Variants in SNRK observed in about 807,000 individuals in gnomAD.
SNRK encodes SNF-related serine/threonine-protein kinase.
In SNRK, 3 loss-of-function variants were observed where a neutral mutation model predicts 48.2. The observed-to-expected ratio is 0.06, with a 90% CI of 0.03 to 0.16. SNRK has a LOEUF of 0.16. Among genes scored for constraint, SNRK ranks in the 10% least tolerant of loss-of-function variants. SNRK has a pLI of 1.00. For missense variants in SNRK, 627 were observed against 976.0 expected (o/e 0.64, Z 4.76); for synonymous variants, 376 against 366.1 (o/e 1.03, Z -0.31).
chr3:43,303,153 G>A lies in SNRK; in HGVS notation c.-51G>A. On this transcript the variant is annotated 5_prime_UTR_variant, in exon 3 of 7. An upstream start codon of the reference 5' UTR is lost. Transcript: ENST00000296088. The surrounding 1 kb of genome is among the most constrained non-coding windows in gnomAD (Gnocchi z 6.2). Reference sequence around the variant, plus strand: ...TTGTATTCACCAGATATTCTTATATGAGAAGATCTATTTTAAACAGTCTAA... The same window carrying A: ...TTGTATTCACCAGATATTCTTATATAAGAAGATCTATTTTAAACAGTCTAA... The A allele has an allele frequency of 1.5e-6, 2 of 1,314,104 alleles. No individual in the cohort carries two copies. The highest frequency in any genetic ancestry group is 1.4e-5 in the South Asian group (1 of 71,918). 81.4% of individuals were successfully genotyped at this position (1,314,104 alleles called of 1,614,324 possible). A position where few individuals can be genotyped will look rare whatever the true frequency, so the allele number is the denominator to read the frequency against.
At chr3:43,333,888 C>T (rs1415777932) in intron 4 of SNRK, among the ~76,000 whole-genome samples, 1 of 152,044 alleles carries the variant, frequency 6.6e-6, no homozygotes, top group Non-Finnish European at 1.5e-5. Context: ...TGGCTCACAC[C>T]TGTAATCCCA....
chr3:43,347,160 C>G lies in SNRK; in HGVS notation c.1080-179C>G. The G allele has an allele frequency of 1.8e-6, 1 of 566,834 alleles. No homozygotes were observed. Among genetic ancestry groups the G allele is most frequent in the Non-Finnish European group, 2.9e-6 (1 of 341,272 alleles). The allele number at this position is 566,834 out of a possible 1,614,324, so 35.1% of individuals were successfully genotyped here. ...CACAAACTGAACCATGTTTCAAAAC[C>G]ACATTTGCCCTTCTGGTGGCCTTGC... On this transcript the variant is annotated intron_variant, in intron 6 of 6. Transcript: ENST00000296088. The surrounding 1 kb of genome is among the most constrained non-coding windows in gnomAD (Gnocchi z 5.4).
intron 1 of SNRK, 136 bp from the exon 2 acceptor site, chr3:43,299,618 A>G (rs2090883394): frequency 6.6e-6 from 1 of 152,662 alleles, no homozygotes; most frequent in Non-Finnish European, 1.5e-5. Flanking sequence ...GGATAATAGG[A>G]GACTGGGTTA....
At chr3:43,301,452 C>T (rs114844943) in intron 2 of SNRK, among the ~76,000 whole-genome samples, 195 of 152,118 alleles carry the variant, frequency 1.3e-3, no homozygotes, top group African/African-American at 4.6e-3. Flanking sequence ...CAGCCTATTG[C>T]CTTAGCTATA....
chr3:43,300,437 A>G (rs977011822), intron 2 of SNRK, among the ~76,000 whole-genome samples: 1 of 152,200 alleles, frequency 6.6e-6, no homozygotes, highest in African/African-American at 2.4e-5. Context: ...AACTAAAATG[A>G]TAGATGAAAA....
At chr3:43,324,508 C>CAAAAAAA (rs11299310) in intron 3 of SNRK, among the ~76,000 whole-genome samples, 1 of 96,444 alleles carries the variant, frequency 1.0e-5, no homozygotes. Flanking sequence ...GACTCTGTCT[C>CAAAAAAA]AAAAAAAAAA....
chr3:43,347,859 C>T lies in SNRK; in HGVS notation c.1600C>T (p.Arg534Trp), dbSNP rs865847130. The change falls in exon 7 of 7, where the codon CGG becomes TGG. Residue 534 changes from arginine to tryptophan, a missense_variant. Coordinates refer to ENST00000296088, the MANE Select transcript of SNRK (RefSeq NM_017719.5). This position sits in a 1 kb window ranked among gnomAD's most constrained non-coding sequence, Gnocchi z 5.4. Reference protein sequence around the residue: ...KRYHRRKSQGRGSSCSSSETS... With the variant: ...KRYHRRKSQGWGSSCSSSETS... The stretch of plus-strand genomic sequence containing the variant: ...CTACCACCGGAGGAAAAGTCAGGGC[C>T]GGGGCTCCAGCTGCAGTAGTTCGGA... 5.6e-6 allele frequency: 9 copies of T among 1,614,038 alleles called. No homozygotes were observed. Among genetic ancestry groups the T allele is most frequent in the Non-Finnish European group, 7.6e-6 (9 of 1,180,034 alleles).
chr3:43,341,916 A>C (rs1366113934), intron 5 of SNRK, among the ~76,000 whole-genome samples: 1 of 152,216 alleles, frequency 6.6e-6, no homozygotes, highest in African/African-American at 2.4e-5. Flanking sequence ...ATTTTCTATA[A>C]GTTTCCAAAT....
At chr3:43,295,187 A>G (rs998486359) in intron 1 of SNRK, among the ~76,000 whole-genome samples, 1 of 152,186 alleles carries the variant, frequency 6.6e-6, no homozygotes, top group Admixed American at 6.5e-5. Flanking sequence ...TACAAATACT[A>G]AGTACTGTAC....
intron 1 of SNRK, among the ~76,000 whole-genome samples, chr3:43,287,473 CT>C (rs1250500647): frequency 6.6e-5 from 10 of 152,100 alleles, no homozygotes; most frequent in African/African-American, 2.4e-4. Flanking sequence ...GAGTTTCAGG[CT>C]TTGGGGAGAA....
chr3:43,308,841 T>C (rs1343924512), intron 3 of SNRK, among the ~76,000 whole-genome samples: 1 of 152,178 alleles, frequency 6.6e-6, no homozygotes, highest in Non-Finnish European at 1.5e-5. Flanking sequence ...ATGGCTGCCA[T>C]TGGTAGTAAT....
chr3:43,291,169 C>T (rs1200976459), intron 1 of SNRK, among the ~76,000 whole-genome samples: 2 of 152,174 alleles, frequency 1.3e-5, no homozygotes, highest in African/African-American at 4.8e-5. Context: ...CCCCTGCGCT[C>T]TGCATATATT....
intron 3 of SNRK, among the ~76,000 whole-genome samples, chr3:43,317,417 G>T (rs1437754333): frequency 6.6e-6 from 1 of 152,148 alleles, no homozygotes; most frequent in South Asian, 2.1e-4. Flanking sequence ...GCAGACTGAG[G>T]TAGCAGTTTC....
chr3:43,290,151 T>C (rs1186279043), intron 1 of SNRK, among the ~76,000 whole-genome samples: 1 of 152,178 alleles, frequency 6.6e-6, no homozygotes, highest in Non-Finnish European at 1.5e-5. Flanking sequence ...TACTGTCAGC[T>C]CTTTGAAGGC....
chr3:43,337,001 C>G (rs2091194872), intron 4 of SNRK, among the ~76,000 whole-genome samples: 1 of 152,184 alleles, frequency 6.6e-6, no homozygotes, highest in Admixed American at 6.5e-5. Context: ...ATCCACCTGC[C>G]TGGGCCTCCC....
At chr3:43,298,378 A>G (rs557669794) in intron 1 of SNRK, among the ~76,000 whole-genome samples, 3 of 152,240 alleles carry the variant, frequency 2.0e-5, no homozygotes, top group Admixed American at 6.5e-5. Context: ...AGGAGCTACT[A>G]TATCCCTCTT....
At chr3:43,321,088 C>T (rs2091050106) in intron 3 of SNRK, among the ~76,000 whole-genome samples, 1 of 152,056 alleles carries the variant, frequency 6.6e-6, no homozygotes, top group Non-Finnish European at 1.5e-5. Context: ...CCCTGTATCC[C>T]ATTCAAGGCT....
At chr3:43,294,543 G>T (rs2090837799) in intron 1 of SNRK, among the ~76,000 whole-genome samples, 1 of 152,002 alleles carries the variant, frequency 6.6e-6, no homozygotes, top group African/African-American at 2.4e-5. Context: ...TCAGATTTTG[G>T]AGCATTTTGG....
intron 1 of SNRK, among the ~76,000 whole-genome samples, chr3:43,296,843 C>T (rs1019586843): frequency 6.6e-6 from 1 of 152,190 alleles, no homozygotes; most frequent in African/African-American, 2.4e-5. Flanking sequence ...GCTTGCAAAA[C>T]GTGTGTAGGG....
Sources: gnomAD v4.1 joint callset for allele counts (sites outside exome capture counted in the v4.1 genomes callset) on GRCh38, gnomAD v4.1.1 for gene constraint, Gnocchi (gnomAD v3.1) non-coding constraint, MANE v1.5 for transcripts, NCBI Gene and HGNC (gene_info 2026-07-23, HGNC 2026-07-21) for gene names.